Variants in SNX6 observed in about 807,000 individuals in gnomAD.
SNX6 encodes the protein sorting nexin 6, also known as sorting nexin-6.
A neutral mutation model predicts 63.0 loss-of-function variants in SNX6; 34 were observed. The observed-to-expected ratio is 0.54, with a 90% CI of 0.41 to 0.72. SNX6 has a LOEUF of 0.72. SNX6 is among the 30% of genes least tolerant of loss of function. SNX6 has a pLI of 0.00. For synonymous variants in SNX6, 170 were observed against 164.2 expected, an observed-to-expected ratio of 1.04 and a Z score of -0.27; for missense variants, 398 against 471.4, an observed-to-expected ratio of 0.84 and a Z score of 1.44.
intron 11 of SNX6, among the ~76,000 whole-genome samples, chr14:34,574,636 A>G (rs1339964450): frequency 2.6e-5 from 4 of 151,828 alleles, no homozygotes; most frequent in East Asian, 1.9e-4. Context: ...AAAAAAAAAA[A>G]AAAAAAGAAA....
At chr14:34,569,811 T>C (rs541888344) in intron 11 of SNX6, among the ~76,000 whole-genome samples, 41 of 152,324 alleles carry the variant, frequency 2.7e-4, no homozygotes, top group African/African-American at 9.6e-4. Flanking sequence ...TTTGGTTTAT[T>C]ACCACTTTTT....
At chr14:34,578,937 C>CAAAAAAAAAAAAAAAAAAAAA (rs71121210) in intron 10 of SNX6, among the ~76,000 whole-genome samples, 5 of 22,542 alleles carry the variant, frequency 2.2e-4, no homozygotes, top group Admixed American at 1.1e-3. Flanking sequence ...GACTTCATCT[C>CAAAAAAAAAAAAAAAAAAAAA]AAAAAAAAAA....
At chr14:34,597,825 A>G (rs1193874923) in intron 6 of SNX6, among the ~76,000 whole-genome samples, 180 bp from the exon 7 acceptor site, 1 of 152,184 alleles carries the variant, frequency 6.6e-6, no homozygotes, top group Non-Finnish European at 1.5e-5. Context: ...GAGTTTGGTA[A>G]TAATATAGAT....
intron 8 of SNX6, among the ~76,000 whole-genome samples, chr14:34,590,905 T>C (rs1046499715): frequency 6.6e-6 from 1 of 152,218 alleles, no homozygotes; most frequent in Non-Finnish European, 1.5e-5. Context: ...AGAAATGAAC[T>C]ATCGATATAC....
At chr14:34,601,456 C>G (rs968902708) in intron 6 of SNX6, among the ~76,000 whole-genome samples, 3 of 151,986 alleles carry the variant, frequency 2.0e-5, no homozygotes, top group Non-Finnish European at 4.4e-5. Context: ...AAACTCCTGA[C>G]CTCGTGATCC....
At chr14:34,578,634 G>GA (rs1214360269) in intron 10 of SNX6, among the ~76,000 whole-genome samples, 49,567 of 96,834 alleles carry the variant, frequency 0.51, 10,149 homozygotes, top group Middle Eastern at 0.55. Context: ...GTCTCAAAAA[G>GA]AAAAAAAAAA....
chr14:34,609,569 C>T, intron 3 of SNX6, 69 bp downstream of exon 3: 1 of 767,360 alleles, frequency 1.3e-6, no homozygotes, highest in Non-Finnish European at 2.1e-6. Context: ...AAACCCAAGT[C>T]TGGTCAACAT....
intron 11 of SNX6, chr14:34,568,848 G>T: frequency 9.3e-7 from 1 of 1,075,544 alleles, no homozygotes. Flanking sequence ...TGGAGCCTCG[G>T]CTAAAGTGGC....
intron 2 of SNX6, among the ~76,000 whole-genome samples, chr14:34,613,964 T>A (rs1323516792): frequency 6.6e-6 from 1 of 150,896 alleles, no homozygotes; most frequent in East Asian, 2.0e-4. Context: ...AAAAATTAGC[T>A]GGGCCTGGTG....
At chr14:34,568,361 G>C (rs971466784) in intron 11 of SNX6, among the ~76,000 whole-genome samples, 1 of 151,792 alleles carries the variant, frequency 6.6e-6, no homozygotes, top group Admixed American at 6.6e-5. Context: ...CTCCCGAGTA[G>C]CTGAGACTAC....
At chr14:34,624,724 A>G (rs2138391629) in intron 2 of SNX6, among the ~76,000 whole-genome samples, 1 of 151,728 alleles carries the variant, frequency 6.6e-6, no homozygotes. Context: ...TGAACTTGGG[A>G]GCCAGAGGTT....
intron 2 of SNX6, among the ~76,000 whole-genome samples, chr14:34,611,864 C>T (rs1047186645): frequency 7.9e-5 from 12 of 151,714 alleles, no homozygotes; most frequent in African/African-American, 1.7e-4. Flanking sequence ...CTGCAAGCTC[C>T]GCCTCCCGGG....
intron 11 of SNX6, chr14:34,568,760 G>C (rs1881306894): frequency 1.1e-6 from 1 of 899,926 alleles, no homozygotes. Context: ...TGACGTGTCA[G>C]TTTGCGGCCC....
intron 4 of SNX6, among the ~76,000 whole-genome samples, chr14:34,607,067 C>T (rs910889616): frequency 6.6e-6 from 1 of 152,044 alleles, no homozygotes; most frequent in Non-Finnish European, 1.5e-5. Context: ...CATGAGCTAC[C>T]GTGCCCAGCC....
At chr14:34,569,270 G>A (rs937893473) in intron 11 of SNX6, 4 of 514,794 alleles carry the variant, frequency 7.8e-6, no homozygotes, top group South Asian at 6.4e-5. Flanking sequence ...TCACAGAACT[G>A]AGGATCACCA....
chr14:34,609,503 A>AAG (rs1555327818), intron 3 of SNX6, 135 bp downstream of exon 3: 24 of 476,164 alleles, frequency 5.0e-5, no homozygotes, highest in Non-Finnish European at 8.6e-5. Flanking sequence ...AAAAAAAAAA[A>AAG]AGTACATTTT....
Position 34,582,606 on chromosome 14 carries a change from A to C in SNX6, c.795-1006T>G, listed in dbSNP as rs10138312. ...CGCTTTCTTGCCCCAGCCGCAGTGCAGTAGCGCCATCTCACTGCAACCTCC... is the reference window on the plus strand; with the variant it reads ...CGCTTTCTTGCCCCAGCCGCAGTGCCGTAGCGCCATCTCACTGCAACCTCC... On this transcript the variant is annotated intron_variant, in intron 9 of 13. Coordinates refer to ENST00000362031, the MANE Select transcript of SNX6 (RefSeq NM_152233.4). 5.7e-3 allele frequency among the ~76,000 whole-genome samples: 869 copies of C among 151,250 alleles called. 9 individuals carry two copies. The highest frequency in any genetic ancestry group is 0.02 in the African/African-American group (829 of 41,236).
chr14:34,606,400 C>T (rs552623038), intron 4 of SNX6, among the ~76,000 whole-genome samples: 12 of 151,524 alleles, frequency 7.9e-5, no homozygotes, highest in African/African-American at 2.7e-4. Context: ...GGATTACAGG[C>T]ATGAGCCACT....
chr14:34,567,594 G>A lies in SNX6; in HGVS notation c.1167+92C>T, dbSNP rs144963273. ...GGAATAGTTGTCACAGTATCCCTATGAGAACTGACATTAAAGAATTATCAA... is the reference window on the plus strand; with the variant it reads ...GGAATAGTTGTCACAGTATCCCTATAAGAACTGACATTAAAGAATTATCAA... On this transcript the variant is annotated intron_variant, in intron 13 of 13. Coordinates refer to ENST00000362031, the MANE Select transcript of SNX6 (RefSeq NM_152233.4). 8.6e-3 allele frequency: 8,251 copies of A among 959,908 alleles called. 65 individuals carry two copies. Among genetic ancestry groups the A allele is most frequent in the Non-Finnish European group, 0.011 (6,995 of 617,612 alleles). The allele number at this position is 959,908 out of a possible 1,614,324, so 59.5% of individuals were successfully genotyped here. A position where few individuals can be genotyped will look rare whatever the true frequency, so the allele number is the denominator to read the frequency against.
Sources: allele counts gnomAD v4.1 joint callset (sites outside exome capture counted in the v4.1 genomes callset), GRCh38; gene constraint gnomAD v4.1.1; transcripts MANE v1.5; gene names NCBI Gene and HGNC (gene_info 2026-07-23, HGNC 2026-07-21).